The following ZSWIM6 variants were observed in gnomAD, a reference collection of about 807,000 sequenced individuals.
ZSWIM6 encodes the protein zinc finger SWIM domain-containing protein 6.
Under a neutral mutation model 113.2 loss-of-function variants are expected in ZSWIM6, and 9 were observed. The ratio of observed to expected loss-of-function variants is 0.08; its 90% confidence interval spans 0.05 to 0.14. ZSWIM6 has a LOEUF of 0.14. Among genes scored for constraint, ZSWIM6 ranks in the 10% least tolerant of loss-of-function variants. ZSWIM6 has a pLI of 1.00. For missense variants in ZSWIM6, 1,162 were observed against 1,552.2 expected (o/e 0.75, Z 4.22); for synonymous variants, 611 against 606.5 (o/e 1.01, Z -0.11).
rs958090617 is a variant in ZSWIM6 at position 61,543,619 on chromosome 5, G to T, written c.2950G>T (p.Ala984Ser). 11 of 1,551,668 alleles carry T rather than the reference G, an allele frequency of 7.1e-6. No homozygotes were observed. Among genetic ancestry groups the T allele is most frequent in the African/African-American group, 1.4e-5 (1 of 73,058 alleles). Residue 984 changes from alanine (A) to serine (S), a missense_variant, in exon 14 of 14, where the codon GCA becomes TCA. Physicochemically the swap from Ala to Ser is moderately conservative, Grantham distance 99 (BLOSUM62 1). Around this residue, in one of 4 missense-constraint regions of ZSWIM6, gnomAD observed 620 missense variants for 804.6 expected, o/e 0.77. Transcript: ENST00000252744. The surrounding 1 kb of genome is among the most constrained non-coding windows in gnomAD (Gnocchi z 4.3). Reference sequence around the variant, plus strand: ...GCTGGCCAGCAGCGCCCGGACACTTGCACTGCAGTGTGCCATGAAGGATCC... The same window carrying T: ...GCTGGCCAGCAGCGCCCGGACACTTTCACTGCAGTGTGCCATGAAGGATCC... ...EKLASSARTLALQCAMKDPQN... is the reference protein window; with the variant it reads ...EKLASSARTLSLQCAMKDPQN...
In ZSWIM6 at chr5:61,424,726, TC is replaced by T. The variant is rs776892103; in HGVS notation, c.677-47954del. ...CTGAGCCGGTCTACCTAATCTTGGCTCTTTTTTTTTTTTTTTTTGGAGATGG... is the reference window on the plus strand; with the variant it reads ...CTGAGCCGGTCTACCTAATCTTGGCTTTTTTTTTTTTTTTTTTGGAGATGG... On this transcript the variant is annotated intron_variant, in intron 1 of 13. Coordinates refer to ENST00000252744, the MANE Select transcript of ZSWIM6 (RefSeq NM_020928.2). 2.7e-5 allele frequency among the ~76,000 whole-genome samples: 4 copies of T among 150,070 alleles called. No individual in the cohort carries two copies. The East Asian group carries it at 7.7e-4, about 29-fold the overall frequency.
At chr5:61,486,674 T>A (rs890018924) in intron 2 of ZSWIM6, among the ~76,000 whole-genome samples, 2 of 152,232 alleles carry the variant, frequency 1.3e-5, no homozygotes, top group Non-Finnish European at 2.9e-5. Flanking sequence ...TGGTTTTGAC[T>A]TGCATTTCTC....
At chr5:61,401,505 T>A (rs1745938459) in intron 1 of ZSWIM6, among the ~76,000 whole-genome samples, 1 of 152,162 alleles carries the variant, frequency 6.6e-6, no homozygotes. Context: ...CCCTTTATTA[T>A]GAGGTTTCAT....
chr5:61,431,461 A>G (rs73107440), intron 1 of ZSWIM6, among the ~76,000 whole-genome samples: 4,919 of 150,542 alleles, frequency 0.033, 260 homozygotes, highest in African/African-American at 0.11. Context: ...AAGTTTGACT[A>G]CTGGCTGGGC....
intron 4 of ZSWIM6, among the ~76,000 whole-genome samples, chr5:61,511,028 C>T (rs1277520420): frequency 6.6e-6 from 1 of 152,070 alleles, no homozygotes; most frequent in Non-Finnish European, 1.5e-5. Context: ...AAGTGGGACT[C>T]TGAATTAATA....
chr5:61,444,281 C>T (rs902752194), intron 1 of ZSWIM6, among the ~76,000 whole-genome samples: 3 of 152,116 alleles, frequency 2.0e-5, no homozygotes, highest in Admixed American at 1.3e-4. Context: ...ATGAACTCAT[C>T]ATAATTTATG....
At chr5:61,374,684 G>C (rs915317528) in intron 1 of ZSWIM6, among the ~76,000 whole-genome samples, 1 of 152,106 alleles carries the variant, frequency 6.6e-6, no homozygotes, top group Non-Finnish European at 1.5e-5. Flanking sequence ...CTCCCGAGTA[G>C]CTGGGACTAC....
intron 1 of ZSWIM6, among the ~76,000 whole-genome samples, chr5:61,417,941 T>C (rs577633975): frequency 1.3e-5 from 2 of 152,310 alleles, no homozygotes; most frequent in South Asian, 4.1e-4. Context: ...GGTAGAGTTT[T>C]AGAATTCGAA....
intron 1 of ZSWIM6, among the ~76,000 whole-genome samples, chr5:61,396,131 C>T (rs1745832902): frequency 6.6e-6 from 1 of 152,186 alleles, no homozygotes; most frequent in Non-Finnish European, 1.5e-5. Flanking sequence ...GCACTGCTAG[C>T]TGTGGGCTTT....
At chr5:61,525,400 G>GT (rs1287289820) in intron 5 of ZSWIM6, among the ~76,000 whole-genome samples, 1 of 152,136 alleles carries the variant, frequency 6.6e-6, no homozygotes. Context: ...CTTGCATAGT[G>GT]TTTGTGAGAG....
At chr5:61,385,030 A>T (rs1745565249) in intron 1 of ZSWIM6, among the ~76,000 whole-genome samples, 1 of 152,154 alleles carries the variant, frequency 6.6e-6, no homozygotes, top group South Asian at 2.1e-4. Flanking sequence ...ACTGCACTCC[A>T]ACCTGGGAGA....
chr5:61,471,922 G>T (rs867390887), intron 1 of ZSWIM6, among the ~76,000 whole-genome samples: 1 of 128,738 alleles, frequency 7.8e-6, no homozygotes, highest in Admixed American at 8.1e-5. Context: ...ACTTTGTACC[G>T]TGTATTTGTG....
chr5:61,377,380 CAT>C (rs1336575937), intron 1 of ZSWIM6, among the ~76,000 whole-genome samples: 4 of 150,776 alleles, frequency 2.7e-5, no homozygotes, highest in Non-Finnish European at 5.9e-5. Flanking sequence ...TTTTTCTTGA[CAT>C]AAAACCCTGA....
At chr5:61,525,357 A>C (rs564403915) in intron 5 of ZSWIM6, among the ~76,000 whole-genome samples, 2 of 152,316 alleles carry the variant, frequency 1.3e-5, no homozygotes, top group South Asian at 2.1e-4. Flanking sequence ...TGACTGCATA[A>C]TCCTGAAAGG....
chr5:61,386,816 T>A (rs949207046), intron 1 of ZSWIM6, among the ~76,000 whole-genome samples: 3 of 152,182 alleles, frequency 2.0e-5, no homozygotes, highest in African/African-American at 7.2e-5. Context: ...TCCCTTTGTG[T>A]GGGTTTTAAA....
chr5:61,344,890 A>AT (rs1160671227), intron 1 of ZSWIM6, among the ~76,000 whole-genome samples: 1 of 152,210 alleles, frequency 6.6e-6, no homozygotes, highest in Non-Finnish European at 1.5e-5. Context: ...ATTTGCTTTT[A>AT]TTTTTTCTGA....
At chr5:61,519,171 A>G (rs1749043127) in intron 4 of ZSWIM6, among the ~76,000 whole-genome samples, 1 of 152,152 alleles carries the variant, frequency 6.6e-6, no homozygotes, top group Admixed American at 6.6e-5. Flanking sequence ...TTTCCCCTCC[A>G]TTGGGTGATA....
chr5:61,359,570 T>C (rs758518354), intron 1 of ZSWIM6, among the ~76,000 whole-genome samples: 3 of 152,138 alleles, frequency 2.0e-5, no homozygotes, highest in Non-Finnish European at 4.4e-5. Context: ...CAGATTTTGC[T>C]TATGATGTGA....
intron 4 of ZSWIM6, among the ~76,000 whole-genome samples, chr5:61,502,634 C>G (rs904706090): frequency 7.2e-5 from 11 of 152,174 alleles, no homozygotes; most frequent in African/African-American, 2.7e-4. Context: ...AGGGGTTCCC[C>G]CATCCCCGGA....
Sources: gnomAD v4.1 joint callset for allele counts (sites outside exome capture counted in the v4.1 genomes callset) on GRCh38, gnomAD v4.1.1 for gene constraint, gnomAD v4.1.1 regional missense constraint, Gnocchi (gnomAD v3.1) non-coding constraint, MANE v1.5 for transcripts, NCBI Gene and HGNC (gene_info 2026-07-23, HGNC 2026-07-21) for gene names.